The following ZAR1 variants were observed in gnomAD, a reference collection of about 807,000 sequenced individuals.
The protein encoded by ZAR1 is zygote arrest 1.
ZAR1 carries 37 observed loss-of-function variants against 38.3 expected under a neutral mutation model. The ratio of observed to expected loss-of-function variants is 0.97; its 90% CI spans 0.74 to 1.27. The LOEUF (loss-of-function observed/expected upper bound fraction) is 1.27. Among genes scored for constraint, ZAR1 ranks in the 50% most tolerant of loss-of-function variants. The probability of loss-of-function intolerance (pLI) is 0.00; values close to 1 mark genes in which losing one functional copy is unlikely to be tolerated. For missense variants in ZAR1, 651 were observed against 632.4 expected, an observed-to-expected ratio of 1.03 and a Z score of -0.32; for synonymous variants, 336 against 292.0, an observed-to-expected ratio of 1.15 and a Z score of -1.53.
chr4:48,490,901 C>T lies in ZAR1; in HGVS notation c.610C>T (p.Gln204Ter). The change falls in exon 1 of 4, where the codon CAG (glutamine) becomes TAG (stop). Residue 204 changes from glutamine to a stop codon, truncating the protein, a stop_gained. Coordinates refer to ENST00000327939, the MANE Select transcript of ZAR1 (RefSeq NM_175619.3). LOFTEE classifies it high-confidence loss of function. ...LEGPGPAAGE[Q>*]RSGASDGERG... ...GGGGCCCGGGCCCGCGGCGGGCGAG[C>T]AGAGGTCCGGGGCGTCGGACGGAGA... 1 of 1,386,654 alleles carries T rather than the reference C, an allele frequency of 7.2e-7. No homozygotes were observed. The highest frequency in any genetic ancestry group is 9.3e-7 in the Non-Finnish European group (1 of 1,074,622). 85.9% of individuals were successfully genotyped at this position (1,386,654 alleles called of 1,614,324 possible).
chr4:48,494,981 A>AAT (rs1491239559), downstream of ZAR1, among the ~76,000 whole-genome samples: 2 of 152,162 alleles, frequency 1.3e-5, no homozygotes, highest in Non-Finnish European at 1.5e-5. Flanking sequence ...TAAGACACTG[A>AAT]ATAACCTATC....
At chr4:48,497,024 C>T (rs1718650944), downstream of ZAR1, among the ~76,000 whole-genome samples, 1 of 152,134 alleles carries the variant, frequency 6.6e-6, no homozygotes, top group African/African-American at 2.4e-5. Flanking sequence ...GCCACACCCT[C>T]TATTTTACAT....
chr4:48,490,499 A>G lies in ZAR1; in HGVS notation c.208A>G (p.Thr70Ala), dbSNP rs766584457. 1.7e-5 allele frequency: 25 copies of G among 1,469,594 alleles called. No homozygotes were observed. In the Admixed American group the frequency reaches 2.8e-4, roughly 16 times the overall value. The allele number at this position is 1,469,594 out of a possible 1,614,324, so 91.0% of individuals were successfully genotyped here. Residue 70 changes from threonine to alanine, a missense_variant, in exon 1 of 4, where the codon ACG becomes GCG. Around this residue, in one of 2 missense-constraint regions of ZAR1, gnomAD observed 522 missense variants for 459.9 expected, o/e 1.14. Coordinates refer to ENST00000327939, the MANE Select transcript of ZAR1 (RefSeq NM_175619.3). Reference protein sequence around the residue: ...SLSFPGCGRLTAAEYFDSYQR... With the variant: ...SLSFPGCGRLAAAEYFDSYQR... ...GTCCTTCCCGGGCTGCGGGCGGCTG[A>G]CGGCCGCCGAGTACTTCGACAGCTA...
downstream of ZAR1, among the ~76,000 whole-genome samples, chr4:48,496,740 T>TG (rs1718633477): frequency 1.3e-5 from 2 of 152,362 alleles, no homozygotes; most frequent in African/African-American, 2.4e-5. Context: ...AAGATGTCTC[T>TG]GGGTATCAAG....
downstream of ZAR1, among the ~76,000 whole-genome samples, chr4:48,496,166 T>G (rs1322094692): frequency 6.6e-6 from 1 of 152,126 alleles, no homozygotes; most frequent in East Asian, 1.9e-4. Flanking sequence ...TCACTCCAGC[T>G]GTACAGTGGA....
In ZAR1 at chr4:48,490,872, T is replaced by C; in HGVS notation, c.581T>C (p.Leu194Pro). 1 of 1,442,684 alleles carries C rather than the reference T, an allele frequency of 6.9e-7. No individual in the cohort carries two copies. The highest frequency in any genetic ancestry group is 9.1e-7 in the Non-Finnish European group (1 of 1,101,986). 89.4% of individuals were successfully genotyped at this position (1,442,684 alleles called of 1,614,324 possible). Residue 194 changes from leucine (L) to proline (P), a missense_variant, in exon 1 of 4, where the codon CTG becomes CCG. Physicochemically the swap from Leu to Pro is moderately conservative, Grantham distance 98 (BLOSUM62 -3). Around this residue, in one of 2 missense-constraint regions of ZAR1, gnomAD observed 522 missense variants for 459.9 expected, o/e 1.14. Transcript: ENST00000327939. The part of the protein sequence containing the change: ...PLALRRLTAF[L>P]EGPGPAAGEQ... ...GCCTTGCGCCGTCTCACCGCCTTCC[T>C]GGAGGGGCCCGGGCCCGCGGCGGGC...
At chr4:48,491,859 C>T (rs1308023759) in intron 1 of ZAR1, among the ~76,000 whole-genome samples, 1 of 152,240 alleles carries the variant, frequency 6.6e-6, no homozygotes, top group Non-Finnish European at 1.5e-5. Flanking sequence ...AGTGTTGCTG[C>T]CCGAGGGCAG....
downstream of ZAR1, chr4:48,497,401 A>ATTTGCTTTTTGT (rs1718684852): frequency 6.6e-6 from 1 of 152,526 alleles, no homozygotes; most frequent in African/African-American, 2.4e-5. Context: ...TAATAGACTT[A>ATTTGCTTTTTGT]GTTACATATA....
Position 48,490,780 on chromosome 4 carries a change from C to T in ZAR1, c.489C>T (p.Gly163=). ...QQPSRRGLEQ[G]SPQNGAPRPM... ...CATCCCGTCGAGGCCTGGAGCAGGG[C>T]AGCCCCCAGAACGGCGCCCCGCGGC... Residue 163 remains glycine (G), a synonymous_variant, in exon 1 of 4, where the codon GGC becomes GGT. Coordinates refer to ENST00000327939, the MANE Select transcript of ZAR1 (RefSeq NM_175619.3). 12 of 1,499,418 alleles carry T rather than the reference C, an allele frequency of 8.0e-6. No homozygotes were observed. The highest frequency in any genetic ancestry group is 8.8e-6 in the Non-Finnish European group (10 of 1,131,390). The allele number at this position is 1,499,418 out of a possible 1,614,324, so 92.9% of individuals were successfully genotyped here.
Position 48,492,955 on chromosome 4 carries a change from T to C in ZAR1, c.1074T>C (p.Phe358=), listed in dbSNP as rs1412574690. 1 of 1,614,226 alleles carries C rather than the reference T, an allele frequency of 6.2e-7. No individual in the cohort carries two copies. Among genetic ancestry groups the C allele is most frequent in the Non-Finnish European group, 8.5e-7 (1 of 1,180,030 alleles). The change falls in exon 3 of 4, where the codon TTT becomes TTC. Residue 358 remains phenylalanine (F), a synonymous_variant. Transcript: ENST00000327939. ...QGTNKVYFKQ[F]CRTCQKSYNP... is the part of the protein sequence containing the mutation. ...CATCACAGGTTTACTTCAAACAGTTTTGCAGAACTTGTCAGAAGTCTTATA... is the reference window on the plus strand; with the variant it reads ...CATCACAGGTTTACTTCAAACAGTTCTGCAGAACTTGTCAGAAGTCTTATA...
Position 48,490,587 on chromosome 4 carries a change from G to C in ZAR1, c.296G>C (p.Arg99Pro). The C allele has an allele frequency of 7.2e-7, 1 of 1,382,534 alleles. No individual in the cohort carries two copies. Among genetic ancestry groups the C allele is most frequent in the East Asian group, 3.1e-5 (1 of 32,500 alleles). The allele number at this position is 1,382,534 out of a possible 1,614,324, so 85.6% of individuals were successfully genotyped here. Residue 99 changes from arginine (R) to proline (P), a missense_variant, in exon 1 of 4, where the codon CGC becomes CCC. Coordinates refer to ENST00000327939, the MANE Select transcript of ZAR1 (RefSeq NM_175619.3). Reference protein sequence around the residue: ...QVGPGLGPRARRAGSCDVAVQ... With the variant: ...QVGPGLGPRAPRAGSCDVAVQ... ...GGGCCGGGTCTCGGGCCGCGCGCCC[G>C]CAGGGCCGGCAGCTGCGACGTGGCG... is the stretch of plus-strand genomic sequence containing the variant.
Position 48,490,466 on chromosome 4 carries a change from G to A in ZAR1, c.175G>A (p.Ala59Thr). ...PASSPCSAGA[A>T]SLSFPGCGRL... Reference sequence around the variant, plus strand: ...CTCCTCCCCCTGCTCGGCGGGCGCGGCCTCGTTGTCCTTCCCGGGCTGCGG... The same window carrying A: ...CTCCTCCCCCTGCTCGGCGGGCGCGACCTCGTTGTCCTTCCCGGGCTGCGG... The change falls in exon 1 of 4, where the codon GCC becomes ACC. Residue 59 changes from alanine (A) to threonine (T), a missense_variant. Coordinates refer to ENST00000327939, the MANE Select transcript of ZAR1 (RefSeq NM_175619.3). 1 of 1,465,732 alleles carries A rather than the reference G, an allele frequency of 6.8e-7. No individual in the cohort carries two copies. The highest frequency in any genetic ancestry group is 1.3e-5 in the South Asian group (1 of 74,462). The allele number at this position is 1,465,732 out of a possible 1,614,324, so 90.8% of individuals were successfully genotyped here.
At position 48,492,867 on chromosome 4, in the gene ZAR1, T is replaced by C. The variant is rs1718484075; in HGVS notation, c.1056+9T>C. On this transcript the variant is annotated intron_variant, in intron 2 of 3. Transcript: ENST00000327939. ...TACAGGGAACTAACAAGGTAAGAAA[T>C]ACCAGGTAACTGGCATCTTCTTGCT... The C allele has an allele frequency of 6.2e-7, 1 of 1,614,112 alleles. No individual in the cohort carries two copies. The highest frequency in any genetic ancestry group is 8.5e-7 in the Non-Finnish European group (1 of 1,179,960).
chr4:48,495,655 C>T (rs980849793), downstream of ZAR1, among the ~76,000 whole-genome samples: 1 of 152,180 alleles, frequency 6.6e-6, no homozygotes, highest in Admixed American at 6.5e-5. Context: ...AAATGTAAAA[C>T]TGAGGTTCTG....
Position 48,491,054 on chromosome 4 carries a change from C to A in ZAR1, c.763C>A (p.Gln255Lys). 7.5e-7 allele frequency: 1 copy of A among 1,336,930 alleles called. No homozygotes were observed. Among genetic ancestry groups the A allele is most frequent in the Non-Finnish European group, 9.5e-7 (1 of 1,049,598 alleles). 82.8% of individuals were successfully genotyped at this position (1,336,930 alleles called of 1,614,324 possible). Residue 255 changes from glutamine to lysine, a missense_variant, in exon 1 of 4, where the codon CAG (glutamine) becomes AAG (lysine). Around this residue, in one of 2 missense-constraint regions of ZAR1, gnomAD observed 522 missense variants for 459.9 expected, o/e 1.14. Coordinates refer to ENST00000327939, the MANE Select transcript of ZAR1 (RefSeq NM_175619.3). ...GGCCGCAGTCCGAGCGAGCTGGGAG[C>A]AGCCGGCCGACGGTCCCGAGCTGCC... ...AQAAVRASWE[Q>K]PADGPELPPR...
In ZAR1 at chr4:48,490,661, A is replaced by AGGCGCACGCTGCAGCGCCGGGCC; in HGVS notation, c.371_393dup (p.Arg132GlyfsTer155). On this transcript the variant is annotated frameshift_variant, in exon 1 of 4. Coordinates refer to ENST00000327939, the MANE Select transcript of ZAR1 (RefSeq NM_175619.3). LOFTEE classifies it high-confidence loss of function. ...CGCCGCGGTACAGTGCTCGCTGGGG[A>AGGCGCACGCTGCAGCGCCGGGCC]GGCGCACGCTGCAGCGCCGGGCCCG... 7.5e-7 allele frequency: 1 copy of AGGCGCACGCTGCAGCGCCGGGCC among 1,332,660 alleles called. No homozygotes were observed. The highest frequency in any genetic ancestry group is 9.5e-7 in the Non-Finnish European group (1 of 1,048,140). The allele number at this position is 1,332,660 out of a possible 1,614,324, so 82.6% of individuals were successfully genotyped here.
At chr4:48,494,461 G>A, downstream of ZAR1, 1 of 571,642 alleles carries the variant, frequency 1.7e-6, no homozygotes, top group Non-Finnish European at 3.0e-6. Flanking sequence ...AACAGTCTGG[G>A]CCTGTCACTT....
rs1249235149 is a variant in ZAR1 at position 48,490,817 on chromosome 4, C to A, written c.526C>A (p.Pro176Thr). The A allele has an allele frequency of 1.9e-5, 28 of 1,509,038 alleles. No homozygotes were observed. The highest frequency in any genetic ancestry group is 2.8e-5 in the East Asian group (1 of 36,144). 93.5% of individuals were successfully genotyped at this position (1,509,038 alleles called of 1,614,324 possible). A position where few individuals can be genotyped will look rare whatever the true frequency, so the allele number is the denominator to read the frequency against. The change falls in exon 1 of 4, where the codon CCG becomes ACG. Residue 176 changes from proline to threonine, a missense_variant. Physicochemically the swap from Pro to Thr is conservative, Grantham distance 38. Transcript: ENST00000327939. ...CGGCGCCCCGCGGCCCATGCGCTTC[C>A]CGCGCACCGTCGCCGTGTACTCGCC... ...QNGAPRPMRF[P>T]RTVAVYSPLA... is the part of the protein sequence containing the mutation.
rs768977256 is a variant in ZAR1 at position 48,490,446 on chromosome 4, C to A, written c.155C>A (p.Ser52Tyr). 1.1e-5 allele frequency: 16 copies of A among 1,467,338 alleles called. No individual in the cohort carries two copies. The highest frequency in any genetic ancestry group is 1.3e-5 in the Non-Finnish European group (14 of 1,116,166). 90.9% of individuals were successfully genotyped at this position (1,467,338 alleles called of 1,614,324 possible). A position where few individuals can be genotyped will look rare whatever the true frequency, so the allele number is the denominator to read the frequency against. Residue 52 changes from serine (S) to tyrosine (Y), a missense_variant, in exon 1 of 4, where the codon TCC becomes TAC. Ser to Tyr is a moderately radical substitution (Grantham distance 144). Transcript: ENST00000327939. ...QRGRGCLPAS[S>Y]PCSAGAASLS... Reference sequence around the variant, plus strand: ...GGCAGGGGCTGCCTTCCCGCCTCCTCCCCCTGCTCGGCGGGCGCGGCCTCG... The same window carrying A: ...GGCAGGGGCTGCCTTCCCGCCTCCTACCCCTGCTCGGCGGGCGCGGCCTCG...
Sources: allele counts gnomAD v4.1 joint callset (sites outside exome capture counted in the v4.1 genomes callset), GRCh38; gene constraint gnomAD v4.1.1; regional missense constraint gnomAD v4.1.1; transcripts MANE v1.5; gene names NCBI Gene and HGNC (gene_info 2026-07-23, HGNC 2026-07-21).